Variants in PLA2G3 observed in about 807,000 individuals in gnomAD.
The protein encoded by PLA2G3 is group 3 secretory phospholipase A2.
Under a neutral mutation model 51.3 loss-of-function variants are expected in PLA2G3, and 39 were observed. The observed-to-expected ratio is 0.76, with a 90% confidence interval of 0.59 to 0.99. The LOEUF is 0.99. PLA2G3 is among the 50% of genes least tolerant of loss of function. PLA2G3 has a pLI of 0.00. For missense variants in PLA2G3, 677 were observed against 662.1 expected (o/e 1.02, Z -0.25); for synonymous variants, 293 against 263.1 (o/e 1.11, Z -1.10).
In PLA2G3 at chr22:31,139,902, C is replaced by T; in HGVS notation, c.453G>A (p.Trp151Ter). The change falls in exon 1 of 7, where the codon TGG becomes TGA. Residue 151 changes from tryptophan to a stop codon, truncating the protein, a stop_gained. Transcript: ENST00000215885. LOFTEE classifies it high-confidence loss of function. ...GGGHQREKRG[W>*]TMPGTLWCGV... is the part of the protein sequence containing the mutation. ...CACACCACAGTGTGCCAGGCATGGT[C>T]CATCCTCTCTTCTCTCGCTGGTGCC... The T allele has an allele frequency of 6.2e-7, 1 of 1,613,918 alleles. No homozygotes were observed. Among genetic ancestry groups the T allele is most frequent in the Non-Finnish European group, 8.5e-7 (1 of 1,179,986 alleles).
Position 31,140,310 on chromosome 22 carries a change from C to T in PLA2G3, c.45G>A (p.Gly15=), listed in dbSNP as rs559972453. The T allele has an allele frequency of 1.6e-5, 26 of 1,609,442 alleles. No homozygotes were observed. Among genetic ancestry groups the T allele is most frequent in the Admixed American group, 1.5e-4 (9 of 59,874 alleles). ...AGLFGMLGFL[G]VALGGSPALR... ...GGGCAGGGGAGCCCCCCAGGGCCAC[C>T]CCCAGGAAGCCCAGCATCCCAAACA... The change falls in exon 1 of 7, where the codon GGG becomes GGA. Residue 15 remains glycine, a synonymous_variant. Transcript: ENST00000215885.
Position 31,138,343 on chromosome 22 carries a change from C to T in PLA2G3, c.715G>A (p.Val239Met), listed in dbSNP as rs779416657. 3 of 1,613,966 alleles carry T rather than the reference C, an allele frequency of 1.9e-6. No homozygotes were observed. Among genetic ancestry groups the T allele is most frequent in the South Asian group, 1.1e-5 (1 of 91,082 alleles). ...AGCACAAAGCAGGGGATCTCCAGCA[C>T]GTTGAAGAAGGCCACGCCCACGATG... ...SDIVGVAFFN[V>M]LEIPCFVLEE... The change falls in exon 3 of 7, where the codon GTG becomes ATG. Residue 239 changes from valine (V) to methionine (M), a missense_variant. Coordinates refer to ENST00000215885, the MANE Select transcript of PLA2G3 (RefSeq NM_015715.5).
Position 31,135,335 on chromosome 22 carries a change from T to C in PLA2G3, c.*388A>G, listed in dbSNP as rs774753885. 6.7e-4 allele frequency: 131 copies of C among 195,880 alleles called. No individual in the cohort carries two copies. Among genetic ancestry groups the C allele is most frequent in the Non-Finnish European group, 8.6e-4 (82 of 94,950 alleles). 12.1% of individuals were successfully genotyped at this position (195,880 alleles called of 1,614,324 possible). A position where few individuals can be genotyped will look rare whatever the true frequency, so the allele number is the denominator to read the frequency against. On this transcript the variant is annotated 3_prime_UTR_variant, in exon 7 of 7. Coordinates refer to ENST00000215885, the MANE Select transcript of PLA2G3 (RefSeq NM_015715.5). ...ACTAGGGCTCCCCTAGGCAGGTTTT[T>C]GAGGCATGTATTATTTTTGCAACAC...
chr22:31,138,543 C>T (rs1438320895), intron 2 of PLA2G3, 124 bp downstream of exon 2: 3 of 1,500,778 alleles, frequency 2.0e-6, no homozygotes, highest in African/African-American at 2.7e-5. Context: ...GCTTTCCTAC[C>T]TGCACTGTGG....
At chr22:31,137,671 C>T (rs1922654077) in intron 4 of PLA2G3, 39 bp downstream of exon 4, 1 of 1,539,518 alleles carries the variant, frequency 6.5e-7, no homozygotes, top group African/African-American at 1.4e-5. Flanking sequence ...GGGACACCCC[C>T]TCATGTCAGG....
rs373608037 is a variant in PLA2G3 at position 31,136,688 on chromosome 22, G to A, written c.1311C>T (p.Gly437=). ...CTGGCTCTGACATCACTTACTTTTT[G>A]CCTTCCACACAGTCCAGTGGAGGGG... ...KLAPPLDCVE[G]KNCSRDPRAI... is the part of the protein sequence containing the mutation. Residue 437 remains glycine, a synonymous_variant, in exon 6 of 7, where the codon GGC becomes GGT. Transcript: ENST00000215885. 3 of 1,611,426 alleles carry A rather than the reference G, an allele frequency of 1.9e-6. No individual in the cohort carries two copies. Among genetic ancestry groups the A allele is most frequent in the African/African-American group, 2.7e-5 (2 of 74,686 alleles).
Position 31,140,442 on chromosome 22 carries a change from A to G in PLA2G3, c.-88T>C, listed in dbSNP as rs1922837589. ...AGGCGGCAGCTGAGCAGTGGAACGG[A>G]AGCGGAGCCCAGCAGGCCCGGTGCG... On this transcript the variant is annotated 5_prime_UTR_variant, in exon 1 of 7. Transcript: ENST00000215885. 2.4e-5 allele frequency: 35 copies of G among 1,460,732 alleles called. No homozygotes were observed. Among genetic ancestry groups the G allele is most frequent in the Non-Finnish European group, 3.2e-5 (35 of 1,097,670 alleles). 90.5% of individuals were successfully genotyped at this position (1,460,732 alleles called of 1,614,324 possible).
chr22:31,135,964 G>A lies in PLA2G3; in HGVS notation c.1317-28C>T, dbSNP rs570186583. 1.7e-5 allele frequency: 27 copies of A among 1,572,856 alleles called. No individual in the cohort carries two copies. The African/African-American group carries it at 3.5e-4, about 20-fold the overall frequency. Reference sequence around the variant, plus strand: ...GTAAGGAGAGAAGAGTGGGGCAGATGATCAGGGCTGACAAGGATCCCACCT... The same window carrying A: ...GTAAGGAGAGAAGAGTGGGGCAGATAATCAGGGCTGACAAGGATCCCACCT... On this transcript the variant is annotated intron_variant, in intron 6 of 6. Transcript: ENST00000215885.
chr22:31,140,485 A>G lies in PLA2G3; in HGVS notation c.-131T>C. The G allele has an allele frequency of 1.0e-6, 1 of 995,886 alleles. No individual in the cohort carries two copies. Among genetic ancestry groups the G allele is most frequent in the Non-Finnish European group, 1.5e-6 (1 of 688,124 alleles). 61.7% of individuals were successfully genotyped at this position (995,886 alleles called of 1,614,324 possible). ...CCGGTGCGGCGGGACCAATGAATGG[A>G]GCTGCGGGAGGAGGAGGAAAGAGGC... On this transcript the variant is annotated 5_prime_UTR_variant, in exon 1 of 7. Coordinates refer to ENST00000215885, the MANE Select transcript of PLA2G3 (RefSeq NM_015715.5).
At chr22:31,139,320 T>C (rs992058502) in intron 1 of PLA2G3, among the ~76,000 whole-genome samples, 9 of 152,170 alleles carry the variant, frequency 5.9e-5, no homozygotes, top group African/African-American at 2.2e-4. Flanking sequence ...ATCTAAAAAA[T>C]AGCACTCTTT....
intron 4 of PLA2G3, 114 bp from the exon 5 acceptor site, chr22:31,137,154 C>T: frequency 1.8e-6 from 2 of 1,097,260 alleles, no homozygotes; most frequent in East Asian, 2.7e-5. Flanking sequence ...ACACAGATTC[C>T]CTCCATTTCA....
chr22:31,139,957 G>T lies in PLA2G3; in HGVS notation c.398C>A (p.Ala133Glu), dbSNP rs781381606. The T allele has an allele frequency of 1.2e-6, 2 of 1,613,958 alleles. No homozygotes were observed. The highest frequency in any genetic ancestry group is 1.1e-5 in the South Asian group (1 of 91,066). Residue 133 changes from alanine to glutamate, a missense_variant, in exon 1 of 7, where the codon GCA becomes GAA. Coordinates refer to ENST00000215885, the MANE Select transcript of PLA2G3 (RefSeq NM_015715.5). ...ACCAGGGACTCCACTCTGCCCTGCT[G>T]CTCGCTTCTTCCTGGCCCCTGCTGG... ...ESPAGARKKR[A>E]AGQSGVPGGG...
intron 6 of PLA2G3, 84 bp from the exon 7 acceptor site, chr22:31,136,020 G>A: frequency 8.6e-7 from 1 of 1,159,158 alleles, no homozygotes; most frequent in Non-Finnish European, 1.3e-6. Context: ...GAGGCCCAGA[G>A]AGAGAGGGGG....
rs1602750587 is a variant in PLA2G3 at position 31,135,581 on chromosome 22, T to C, written c.*142A>G. On this transcript the variant is annotated 3_prime_UTR_variant, in exon 7 of 7. Transcript: ENST00000215885. ...GTGGTCCAGCATTTGGGCCTTGAGA[T>C]CCCCCCATTCATCCTCTTGATTGTC... The C allele has an allele frequency of 1.5e-6, 1 of 680,192 alleles. No homozygotes were observed. The highest frequency in any genetic ancestry group is 2.6e-6 in the Non-Finnish European group (1 of 385,070). The allele number at this position is 680,192 out of a possible 1,614,324, so 42.1% of individuals were successfully genotyped here. A position where few individuals can be genotyped will look rare whatever the true frequency, so the allele number is the denominator to read the frequency against.
chr22:31,135,619 T>G lies in PLA2G3; in HGVS notation c.*104A>C. On this transcript the variant is annotated 3_prime_UTR_variant, in exon 7 of 7. Coordinates refer to ENST00000215885, the MANE Select transcript of PLA2G3 (RefSeq NM_015715.5). ...CCTCTTGATTGTCCACAACAGCCTC[T>G]GCCATGCTTCAGTCTAACCTACGGA... The G allele has an allele frequency of 1.2e-6, 1 of 831,214 alleles. No homozygotes were observed. Among genetic ancestry groups the G allele is most frequent in the Non-Finnish European group, 2.0e-6 (1 of 497,304 alleles). The allele number at this position is 831,214 out of a possible 1,614,324, so 51.5% of individuals were successfully genotyped here.
In PLA2G3 at chr22:31,140,147, A is replaced by T. The variant is rs2232176; in HGVS notation, c.208T>A (p.Ser70Thr). 3.8e-5 allele frequency: 62 copies of T among 1,612,418 alleles called. No homozygotes were observed. In the African/African-American group the frequency reaches 8.1e-4, roughly 21 times the overall value. ...ARWDAHRRLQ[S>T]CSWEDEPELT... ...TCCGGCTCATCCTCCCAGCTACATG[A>T]CTGCAGCCTCCTATGCGCATCCCAG... The change falls in exon 1 of 7, where the codon TCA (serine) becomes ACA (threonine). Residue 70 changes from serine to threonine, a missense_variant. Transcript: ENST00000215885.
chr22:31,138,358 C>A lies in PLA2G3; in HGVS notation c.700G>T (p.Val234Leu), dbSNP rs1473942501. The A allele has an allele frequency of 6.2e-7, 1 of 1,613,842 alleles. No homozygotes were observed. Among genetic ancestry groups the A allele is most frequent in the African/African-American group, 1.3e-5 (1 of 74,928 alleles). ...ATCTCCAGCACGTTGAAGAAGGCCA[C>A]GCCCACGATGTCCGAGATGGAGTCG... Reference protein sequence around the residue: ...QHDSISDIVGVAFFNVLEIPC... With the variant: ...QHDSISDIVGLAFFNVLEIPC... The change falls in exon 3 of 7, where the codon GTG becomes TTG. Residue 234 changes from valine (V) to leucine (L), a missense_variant. Coordinates refer to ENST00000215885, the MANE Select transcript of PLA2G3 (RefSeq NM_015715.5).
rs750401662 is a variant in PLA2G3, at chr22:31,135,672, C to T, written c.*51G>A. 5.7e-6 allele frequency: 8 copies of T among 1,403,280 alleles called. No homozygotes were observed. The South Asian group carries it at 9.3e-5, about 16-fold the overall frequency. 86.9% of individuals were successfully genotyped at this position (1,403,280 alleles called of 1,614,324 possible). A position where few individuals can be genotyped will look rare whatever the true frequency, so the allele number is the denominator to read the frequency against. ...GGAGGCTGAGATTCCCAAGGCTTGG[C>T]ATAGCCATGGGCAAGGTCCAGGCTG... On this transcript the variant is annotated 3_prime_UTR_variant, in exon 7 of 7. Coordinates refer to ENST00000215885, the MANE Select transcript of PLA2G3 (RefSeq NM_015715.5).
In PLA2G3 at chr22:31,135,741, C is replaced by G. The variant is rs780019964; in HGVS notation, c.1512G>C (p.Gln504His). The change falls in exon 7 of 7, where the codon CAG becomes CAC. Residue 504 changes from glutamine (Q) to histidine (H), a missense_variant. Physicochemically the swap from Gln to His is conservative, Grantham distance 24. Coordinates refer to ENST00000215885, the MANE Select transcript of PLA2G3 (RefSeq NM_015715.5). The stretch of plus-strand genomic sequence containing the variant: ...ACTGAGGTCACTGGCTCCAGGACTT[C>G]TGCTGCCTGTCGGGTCTCCTGGCTG... ...TQAARRPDRQ[Q>H]KSWSQ 2 of 1,613,638 alleles carry G rather than the reference C, an allele frequency of 1.2e-6. No homozygotes were observed. Among genetic ancestry groups the G allele is most frequent in the South Asian group, 2.2e-5 (2 of 91,064 alleles).
Sources: gnomAD v4.1 joint callset for allele counts (sites outside exome capture counted in the v4.1 genomes callset) on GRCh38, gnomAD v4.1.1 for gene constraint, MANE v1.5 for transcripts, NCBI Gene and HGNC (gene_info 2026-07-23, HGNC 2026-07-21) for gene names.